ST6GALNAC3: variants seen among roughly 807,000 people sequenced by gnomAD.
The protein encoded by ST6GALNAC3 is ST6 N-acetylgalactosaminide alpha-2,6-sialyltransferase 3.
Under a neutral mutation model 32.7 loss-of-function variants are expected in ST6GALNAC3, and 25 were observed. That is an observed-to-expected ratio of 0.76 (90% CI 0.56 to 1.07). The LOEUF is 1.07. Among genes scored for constraint, ST6GALNAC3 ranks in the 50% least tolerant of loss-of-function variants. ST6GALNAC3 has a pLI of 0.00. For missense variants in ST6GALNAC3, 355 were observed against 382.4 expected, an observed-to-expected ratio of 0.93 and a Z score of 0.60; for synonymous variants, 129 against 133.1, an observed-to-expected ratio of 0.97 and a Z score of 0.21.
intron 1 of ST6GALNAC3, among the ~76,000 whole-genome samples, chr1:76,143,291 C>T (rs1376949661): frequency 6.6e-6 from 1 of 152,092 alleles, no homozygotes; most frequent in South Asian, 2.1e-4. Flanking sequence ...CCATTCCTCA[C>T]CAGTCATTTG....
intron 2 of ST6GALNAC3, among the ~76,000 whole-genome samples, chr1:76,340,951 G>T (rs1289317934): frequency 6.6e-6 from 1 of 151,854 alleles, no homozygotes; most frequent in Non-Finnish European, 1.5e-5. Context: ...GAATCCGCTT[G>T]TAACTGAAAG....
chr1:76,411,890 T>C (rs1175924799), intron 2 of ST6GALNAC3, 118 bp from the exon 3 acceptor site: 7 of 1,130,844 alleles, frequency 6.2e-6, no homozygotes, highest in Non-Finnish European at 7.4e-6. Context: ...TTGTAGGTAC[T>C]TCAGAGATAT....
rs192156631 is a variant in ST6GALNAC3, at chr1:76,393,729, G to A, written c.214-18279G>A. On this transcript the variant is annotated intron_variant, in intron 2 of 4. Coordinates refer to ENST00000328299, the MANE Select transcript of ST6GALNAC3 (RefSeq NM_152996.4). ...AAGGCCTTATTTCTCCCTATAAAAT[G>A]TGTGTAATTGTGCTTTTCCTTATTT... is the stretch of plus-strand genomic sequence containing the variant. Among the ~76,000 whole-genome samples, 236 of 152,250 alleles carry A rather than the reference G, an allele frequency of 1.6e-3. 1 individual carries two copies. The highest frequency in any genetic ancestry group is 5.5e-3 in the African/African-American group (230 of 41,570).
chr1:76,594,497 A>G (rs1378027183), intron 3 of ST6GALNAC3, among the ~76,000 whole-genome samples: 1 of 152,186 alleles, frequency 6.6e-6, no homozygotes, highest in Non-Finnish European at 1.5e-5. Context: ...TGTGTTAACA[A>G]ATTTAACTGT....
intron 2 of ST6GALNAC3, among the ~76,000 whole-genome samples, chr1:76,407,809 T>A (rs1373265402): frequency 6.6e-6 from 1 of 152,044 alleles, no homozygotes; most frequent in African/African-American, 2.4e-5. Flanking sequence ...GACCTCAGTC[T>A]AGAAAGAAAG....
intron 2 of ST6GALNAC3, among the ~76,000 whole-genome samples, chr1:76,316,724 A>G (rs1238494298): frequency 1.3e-5 from 2 of 152,108 alleles, no homozygotes; most frequent in African/African-American, 2.4e-5. Flanking sequence ...GAGGTTACAC[A>G]GATGTTCACA....
At chr1:76,341,822 C>G (rs769074587) in intron 2 of ST6GALNAC3, among the ~76,000 whole-genome samples, 3 of 151,748 alleles carry the variant, frequency 2.0e-5, no homozygotes, top group Non-Finnish European at 4.4e-5. Flanking sequence ...AACCTGTCAC[C>G]TACATTAGGT....
At chr1:76,506,319 T>A (rs921072011) in intron 3 of ST6GALNAC3, among the ~76,000 whole-genome samples, 1 of 152,210 alleles carries the variant, frequency 6.6e-6, no homozygotes, top group Non-Finnish European at 1.5e-5. Context: ...TCTGGGCCTG[T>A]CTCAGGCAAA....
intron 3 of ST6GALNAC3, among the ~76,000 whole-genome samples, chr1:76,467,251 A>C (rs1658697893): frequency 6.6e-6 from 1 of 152,010 alleles, no homozygotes; most frequent in African/African-American, 2.4e-5. Context: ...TCATTCCTTT[A>C]ACATGATGAA....
intron 3 of ST6GALNAC3, among the ~76,000 whole-genome samples, chr1:76,527,152 C>A (rs969435857): frequency 2.6e-5 from 4 of 152,022 alleles, no homozygotes; most frequent in African/African-American, 9.7e-5. Flanking sequence ...CCTCCTTTGT[C>A]AAGTCTCTTT....
chr1:76,344,224 C>T (rs6593529), intron 2 of ST6GALNAC3, among the ~76,000 whole-genome samples: 149,549 of 152,312 alleles, frequency 0.98, 73,479 homozygotes, highest in East Asian at 1. Context: ...GAGCCAAGTA[C>T]ATTGTTATAG....
At chr1:76,079,298 A>G (rs558741966) in intron 1 of ST6GALNAC3, among the ~76,000 whole-genome samples, 111 of 152,294 alleles carry the variant, frequency 7.3e-4, no homozygotes, top group African/African-American at 2.5e-3. Context: ...AATTTGTATT[A>G]GTCATTTGTC....
chr1:76,540,069 C>A (rs1216020841), intron 3 of ST6GALNAC3, among the ~76,000 whole-genome samples: 1 of 152,042 alleles, frequency 6.6e-6, no homozygotes, highest in Non-Finnish European at 1.5e-5. Flanking sequence ...ATGTTTACTG[C>A]AGCACTATTT....
chr1:76,428,856 A>G (rs1655566999), intron 3 of ST6GALNAC3, among the ~76,000 whole-genome samples: 1 of 152,106 alleles, frequency 6.6e-6, no homozygotes, highest in African/African-American at 2.4e-5. Flanking sequence ...TAAACAGGCT[A>G]TGTTTTGCCA....
intron 1 of ST6GALNAC3, among the ~76,000 whole-genome samples, chr1:76,200,891 G>A (rs187553655): frequency 2.0e-5 from 3 of 152,120 alleles, no homozygotes; most frequent in Non-Finnish European, 2.9e-5. Flanking sequence ...GACCAGAAAC[G>A]CCTCTGAGAT....
At chr1:76,583,958 C>T (rs1646926471) in intron 3 of ST6GALNAC3, among the ~76,000 whole-genome samples, 1 of 152,162 alleles carries the variant, frequency 6.6e-6, no homozygotes, top group African/African-American at 2.4e-5. Context: ...AAGCCCAATT[C>T]TGTTCCTCAC....
intron 1 of ST6GALNAC3, among the ~76,000 whole-genome samples, chr1:76,191,772 A>G (rs1653911615): frequency 6.6e-6 from 1 of 152,210 alleles, no homozygotes; most frequent in Non-Finnish European, 1.5e-5. Flanking sequence ...ACTAAAGTGG[A>G]TGAATGACAC....
chr1:76,377,653 T>C (rs957786753), intron 2 of ST6GALNAC3, among the ~76,000 whole-genome samples: 2 of 152,112 alleles, frequency 1.3e-5, no homozygotes, highest in East Asian at 3.9e-4. Context: ...CCAAACTATA[T>C]CATTGAGTAT....
chr1:76,478,831 T>C (rs1356930160), intron 3 of ST6GALNAC3, among the ~76,000 whole-genome samples: 67 of 149,424 alleles, frequency 4.5e-4, no homozygotes, highest in South Asian at 4.3e-4. Flanking sequence ...GGCTCGATCT[T>C]GGCTCACTGT....
Sources: gnomAD v4.1 joint callset for allele counts (sites outside exome capture counted in the v4.1 genomes callset) on GRCh38, gnomAD v4.1.1 for gene constraint, MANE v1.5 for transcripts, NCBI Gene and HGNC (gene_info 2026-07-23, HGNC 2026-07-21) for gene names.